The following URB2 variants were observed in gnomAD, a reference collection of about 807,000 sequenced individuals.
URB2 encodes URB2 ribosome biogenesis homolog.
A neutral mutation model predicts 120.9 loss-of-function variants in URB2; 86 were observed. The ratio of observed to expected loss-of-function variants is 0.71; its 90% confidence interval spans 0.60 to 0.85. The LOEUF is 0.85. Among genes scored for constraint, URB2 ranks in the 40% least tolerant of loss-of-function variants. URB2 has a pLI of 0.00. For missense variants in URB2, 1,765 were observed against 1,836.5 expected, an observed-to-expected ratio of 0.96 and a Z score of 0.71; for synonymous variants, 755 against 758.4, an observed-to-expected ratio of 1.00 and a Z score of 0.07.
At position 229,626,273 on chromosome 1, in the gene URB2, C is replaced by G. The variant is rs377412398; in HGVS notation, c.-97C>G. The stretch of plus-strand genomic sequence containing the variant: ...TACAGCGGCCTCCGCCGCACCGGGA[C>G]AGCAGCCGCCGCCGCTGCCGCCGTC... On this transcript the variant is annotated 5_prime_UTR_variant, in exon 1 of 10. Coordinates refer to ENST00000258243, the MANE Select transcript of URB2 (RefSeq NM_014777.4). The G allele has an allele frequency of 6.5e-5, 10 of 153,662 alleles. No homozygotes were observed. The highest frequency in any genetic ancestry group is 1.9e-4 in the African/African-American group (8 of 41,472). 9.5% of individuals were successfully genotyped at this position (153,662 alleles called of 1,614,324 possible).
chr1:229,643,148 G>A (rs1666053331), intron 4 of URB2, among the ~76,000 whole-genome samples: 1 of 152,184 alleles, frequency 6.6e-6, no homozygotes, highest in African/African-American at 2.4e-5. Context: ...AGGAAGAGGA[G>A]GGGTTGGTCT....
intron 2 of URB2, among the ~76,000 whole-genome samples, chr1:229,629,377 T>C (rs1290676065): frequency 2.6e-5 from 4 of 152,200 alleles, no homozygotes; most frequent in Non-Finnish European, 5.9e-5. Flanking sequence ...TTCTGAGCAG[T>C]CTTTGTATTT....
intron 4 of URB2, among the ~76,000 whole-genome samples, chr1:229,639,825 C>G (rs1286401255): frequency 6.6e-6 from 1 of 152,156 alleles, no homozygotes; most frequent in Non-Finnish European, 1.5e-5. Context: ...AAACTAGGAC[C>G]TCGTACACAG....
chr1:229,632,455 T>G lies in URB2; in HGVS notation c.303+10T>G. The G allele has an allele frequency of 6.5e-7, 1 of 1,543,098 alleles. No homozygotes were observed. The highest frequency in any genetic ancestry group is 8.7e-7 in the Non-Finnish European group (1 of 1,155,272). ...GATTTCCCTAGTCAAGGTAATTCAC[T>G]TTTCTGTTCTGTATGTGTTGCATGC... On this transcript the variant is annotated intron_variant, in intron 3 of 9. Transcript: ENST00000258243.
In URB2 at chr1:229,637,940, C is replaced by T. The variant is rs779602331; in HGVS notation, c.3327C>T (p.Gly1109=). 1 of 1,613,068 alleles carries T rather than the reference C, an allele frequency of 6.2e-7. No homozygotes were observed. Among genetic ancestry groups the T allele is most frequent in the South Asian group, 1.1e-5 (1 of 90,874 alleles). The change falls in exon 4 of 10, where the codon GGC becomes GGT. Residue 1109 remains glycine (G), a synonymous_variant. Coordinates refer to ENST00000258243, the MANE Select transcript of URB2 (RefSeq NM_014777.4). ...LQLCSVPGAR[G]WRLPSVLISS... ...TCTGCTCAGTGCCGGGGGCCCGGGG[C>T]TGGCGCCTTCCCTCGGTCCTCATCT...
chr1:229,636,313 G>T lies in URB2; in HGVS notation c.1700G>T (p.Arg567Leu). ...AGCACGCCTCTGCCCATTGTCAGAC[G>T]GACACAGTGCATGATGGAGAGGATG... The part of the protein sequence containing the change: ...DSSTPLPIVR[R>L]TQCMMERMMR... The change falls in exon 4 of 10, where the codon CGG becomes CTG. Residue 567 changes from arginine (R) to leucine (L), a missense_variant. Arg to Leu is a moderately radical substitution (Grantham distance 102). Transcript: ENST00000258243. 1 of 1,614,220 alleles carries T rather than the reference G, an allele frequency of 6.2e-7. No homozygotes were observed. The highest frequency in any genetic ancestry group is 1.1e-5 in the South Asian group (1 of 91,088).
intron 4 of URB2, among the ~76,000 whole-genome samples, chr1:229,640,825 G>A (rs1008727081): frequency 6.6e-6 from 1 of 151,622 alleles, no homozygotes; most frequent in Non-Finnish European, 1.5e-5. Flanking sequence ...CTCTTTTAGC[G>A]AATGGTGTTC....
At chr1:229,645,710 C>T in intron 5 of URB2, 149 bp from the exon 6 acceptor site, 1 of 695,654 alleles carries the variant, frequency 1.4e-6, no homozygotes. Context: ...AGGACTTAAC[C>T]CCAAGCAGGC....
chr1:229,649,200 G>C (rs1379487998), intron 7 of URB2, among the ~76,000 whole-genome samples: 1 of 152,112 alleles, frequency 6.6e-6, no homozygotes, highest in Admixed American at 6.5e-5. Flanking sequence ...TAAGGATAGA[G>C]ACCTGCCAGC....
chr1:229,645,824 A>G (rs983153616), intron 5 of URB2, 35 bp from the exon 6 acceptor site: 1 of 1,577,220 alleles, frequency 6.3e-7, no homozygotes, highest in Non-Finnish European at 8.7e-7. Context: ...AGAACACGCT[A>G]TCTCTGCCGC....
intron 5 of URB2, among the ~76,000 whole-genome samples, chr1:229,644,604 G>A (rs1434304670): frequency 6.6e-6 from 1 of 152,186 alleles, no homozygotes; most frequent in Non-Finnish European, 1.5e-5. Context: ...TGGTGCCAGG[G>A]GGGCAGGCCC....
intron 8 of URB2, among the ~76,000 whole-genome samples, chr1:229,652,483 A>G (rs1458510267): frequency 6.6e-6 from 1 of 152,252 alleles, no homozygotes; most frequent in Non-Finnish European, 1.5e-5. Flanking sequence ...GAGAAAAGGA[A>G]AAGGGCATTG....
Position 229,627,687 on chromosome 1 carries a change from C to T in URB2, c.54C>T (p.Ser18=), listed in dbSNP as rs924809717. 4.3e-6 allele frequency: 7 copies of T among 1,613,362 alleles called. No individual in the cohort carries two copies. In the South Asian group the frequency reaches 5.5e-5, roughly 13 times the overall value. The change falls in exon 2 of 10, where the codon TCC becomes TCT. Residue 18 remains serine, a synonymous_variant. Coordinates refer to ENST00000258243, the MANE Select transcript of URB2 (RefSeq NM_014777.4). The stretch of plus-strand genomic sequence containing the variant: ...TTAAGCTTAAAAGCAAGACAACTTC[C>T]TGGGAAGATAAACTAAAACTAGCTC... ...ISLKLKSKTT[S]WEDKLKLAHF... is the part of the protein sequence containing the mutation.
chr1:229,645,909 C>A lies in URB2; in HGVS notation c.3846C>A (p.Leu1282=). ...TGAGGCTGCTACTGAACTGCCCACT[C>A]AGTGGAGAGAAAGCAAGTCTGTTGT... ...TLLRLLLNCP[L]SGEKASLLWR... is the part of the protein sequence containing the mutation. The change falls in exon 6 of 10, where the codon CTC becomes CTA. Residue 1282 remains leucine (L), a synonymous_variant. Coordinates refer to ENST00000258243, the MANE Select transcript of URB2 (RefSeq NM_014777.4). The A allele has an allele frequency of 1.2e-6, 2 of 1,614,208 alleles. No homozygotes were observed. Among genetic ancestry groups the A allele is most frequent in the South Asian group, 1.1e-5 (1 of 91,080 alleles).
At chr1:229,633,542 C>A (rs1665722538) in intron 3 of URB2, among the ~76,000 whole-genome samples, 1 of 152,136 alleles carries the variant, frequency 6.6e-6, no homozygotes, top group East Asian at 1.9e-4. Context: ...AGTGCATTGA[C>A]ATTTAAGGAT....
chr1:229,638,044 A>T lies in URB2; in HGVS notation c.3431A>T (p.Asp1144Val). The T allele has an allele frequency of 2.5e-6, 4 of 1,613,746 alleles. No homozygotes were observed. Among genetic ancestry groups the T allele is most frequent in the Non-Finnish European group, 3.4e-6 (4 of 1,179,782 alleles). Residue 1144 changes from aspartate to valine, a missense_variant, in exon 4 of 10, where the codon GAC becomes GTC. By Grantham distance (152) the Asp-to-Val change is radical. Coordinates refer to ENST00000258243, the MANE Select transcript of URB2 (RefSeq NM_014777.4). ...DGGADISQGSDRTLLSHVALY... is the reference protein window; with the variant it reads ...DGGADISQGSVRTLLSHVALY... ...GGGGCCGACATTTCCCAAGGAAGCG[A>T]CAGGACGCTGCTCTCCCATGTTGCC...
chr1:229,651,462 A>G (rs917016935), intron 8 of URB2, 140 bp downstream of exon 8: 3 of 662,814 alleles, frequency 4.5e-6, no homozygotes, highest in Non-Finnish European at 6.8e-6. Flanking sequence ...CTCAAAATAT[A>G]TATTTTTTAA....
In URB2 at chr1:229,647,805, T is replaced by TTCAAGTA. The variant is rs1192307909; in HGVS notation, c.4149+54_4149+55insCAAGTAT. On this transcript the variant is annotated intron_variant, in intron 7 of 9. Coordinates refer to ENST00000258243, the MANE Select transcript of URB2 (RefSeq NM_014777.4). ...AGCTTTTCCTCTGCGAGCAGGGTAC[T>TTCAAGTA]TGAAGTCTGTAGAAAAGTGGCAGCA... 1.4e-5 allele frequency: 22 copies of TTCAAGTA among 1,574,730 alleles called. No homozygotes were observed. The African/African-American group carries it at 1.9e-4, about 14-fold the overall frequency.
In URB2 at chr1:229,659,038, C is replaced by G. The variant is rs1666462793; in HGVS notation, c.4378-62C>G. On this transcript the variant is annotated intron_variant, in intron 9 of 9. Coordinates refer to ENST00000258243, the MANE Select transcript of URB2 (RefSeq NM_014777.4). ...TTAGTGCTTCCCAAGGCATTGTTGG[C>G]AGGTGGTGCGGCTTGATCTCTGCCC... is the stretch of plus-strand genomic sequence containing the variant. The G allele has an allele frequency of 2.6e-6, 4 of 1,532,690 alleles. No homozygotes were observed. In the South Asian group the frequency reaches 4.7e-5, roughly 18 times the overall value. The allele number at this position is 1,532,690 out of a possible 1,614,324, so 94.9% of individuals were successfully genotyped here.
Sources: gnomAD v4.1 joint callset for allele counts (sites outside exome capture counted in the v4.1 genomes callset) on GRCh38, gnomAD v4.1.1 for gene constraint, MANE v1.5 for transcripts, NCBI Gene and HGNC (gene_info 2026-07-23, HGNC 2026-07-21) for gene names.